Variants in WDPCP observed in about 807,000 individuals in gnomAD.
WDPCP encodes WD repeat-containing and planar cell polarity effector protein fritz homolog.
WDPCP carries 71 observed loss-of-function variants against 93.1 expected under a neutral mutation model. The ratio of observed to expected loss-of-function variants is 0.76; its 90% CI spans 0.63 to 0.93. The LOEUF (loss-of-function observed/expected upper bound fraction) is 0.93, where lower values mean the gene tolerates loss of function less well. Among genes scored for constraint, WDPCP ranks in the 40% least tolerant of loss-of-function variants. The pLI, the probability that WDPCP is intolerant of heterozygous loss-of-function variation, is 0.00. For missense variants in WDPCP, 844 were observed against 887.4 expected, an observed-to-expected ratio of 0.95 and a Z score of 0.62; for synonymous variants, 315 against 315.0, an observed-to-expected ratio of 1.00 and a Z score of 0.00.
At chr2:63,830,584 A>G (rs1287976094), upstream of WDPCP, among the ~76,000 whole-genome samples, 1 of 152,086 alleles carries the variant, frequency 6.6e-6, no homozygotes, top group Non-Finnish European at 1.5e-5. Context: ...ATCTACTTTA[A>G]TCTTCCTATC....
intron 12 of WDPCP, among the ~76,000 whole-genome samples, chr2:63,334,291 C>T (rs1374735473): frequency 1.3e-5 from 2 of 152,114 alleles, no homozygotes; most frequent in Admixed American, 6.5e-5. Flanking sequence ...TTTATTCTGC[C>T]AAAGTTGAGG....
At chr2:63,766,086 A>G (rs941451951) in intron 2 of WDPCP, among the ~76,000 whole-genome samples, 1 of 152,238 alleles carries the variant, frequency 6.6e-6, no homozygotes, top group Non-Finnish European at 1.5e-5. Context: ...TAGGAAATCA[A>G]GAAATATCAC....
intron 15 of WDPCP, among the ~76,000 whole-genome samples, chr2:63,159,879 A>G (rs1000797205): frequency 6.6e-6 from 1 of 152,188 alleles, no homozygotes; most frequent in African/African-American, 2.4e-5. Context: ...GAGTTTATAA[A>G]CAATTTAATG....
intron 9 of WDPCP, among the ~76,000 whole-genome samples, chr2:63,410,878 T>G (rs955272563): frequency 6.6e-6 from 1 of 152,036 alleles, no homozygotes; most frequent in African/African-American, 2.4e-5. Flanking sequence ...ACACTGGAGC[T>G]CTCAAATTTA....
intron 1 of WDPCP, among the ~76,000 whole-genome samples, chr2:63,569,544 G>C (rs1216749295): frequency 6.6e-6 from 1 of 152,178 alleles, no homozygotes; most frequent in Non-Finnish European, 1.5e-5. Flanking sequence ...AAAAAGACGG[G>C]AAGGTCCAAA....
intron 2 of WDPCP, among the ~76,000 whole-genome samples, chr2:63,709,002 T>G (rs1299882144): frequency 6.9e-6 from 1 of 144,742 alleles, no homozygotes; most frequent in Non-Finnish European, 1.5e-5. Context: ...GGGTGGATCA[T>G]TTGAGGTCAG....
At position 63,163,095 on chromosome 2, in the gene WDPCP, A is replaced by C. The variant is rs148802525; in HGVS notation, c.2079-9521T>G. ...CATATTAAAGCCACAATAAAATATA[A>C]CTTCTCTTACTCAATAAGCTTTAGT... On this transcript the variant is annotated intron_variant, in intron 15 of 17. Coordinates refer to ENST00000272321, the MANE Select transcript of WDPCP (RefSeq NM_015910.7). Among the ~76,000 whole-genome samples the C allele has an allele frequency of 1.8e-3, 277 of 152,290 alleles. 2 individuals carry two copies. The highest frequency in any genetic ancestry group is 6.3e-3 in the African/African-American group (260 of 41,576).
intron 2 of WDPCP, among the ~76,000 whole-genome samples, chr2:63,776,951 G>A (rs1022177234): frequency 2.0e-5 from 3 of 152,118 alleles, no homozygotes; most frequent in South Asian, 2.1e-4. Flanking sequence ...GTTGGTCAAT[G>A]AGTACAAAGT....
At chr2:63,309,262 G>T (rs1685985937) in intron 13 of WDPCP, among the ~76,000 whole-genome samples, 1 of 152,138 alleles carries the variant, frequency 6.6e-6, no homozygotes. Context: ...ACTAAAAAAA[G>T]TTAAAAGATG....
intron 3 of WDPCP, among the ~76,000 whole-genome samples, chr2:63,624,745 A>G (rs1258891848): frequency 1.3e-5 from 2 of 152,364 alleles, no homozygotes; most frequent in East Asian, 3.9e-4. Flanking sequence ...GAATTCTACC[A>G]AAGGTACAAA....
chr2:63,655,058 T>C (rs1290662605), intron 2 of WDPCP, among the ~76,000 whole-genome samples: 1 of 152,154 alleles, frequency 6.6e-6, no homozygotes, highest in African/African-American at 2.4e-5. Context: ...ACTTTCACCA[T>C]CTCAGCTCAG....
intron 1 of WDPCP, among the ~76,000 whole-genome samples, chr2:63,819,678 T>C (rs924626544): frequency 8.5e-5 from 13 of 152,198 alleles, no homozygotes; most frequent in African/African-American, 3.1e-4. Context: ...ACAGTATTTC[T>C]AGAACCTCTA....
At chr2:63,758,428 C>A (rs1410998891) in intron 2 of WDPCP, among the ~76,000 whole-genome samples, 1 of 151,768 alleles carries the variant, frequency 6.6e-6, no homozygotes, top group Non-Finnish European at 1.5e-5. Flanking sequence ...GTTCTGGAAT[C>A]TTTTTGTTTT....
intron 13 of WDPCP, among the ~76,000 whole-genome samples, chr2:63,276,253 C>T (rs1330704840): frequency 6.6e-6 from 1 of 152,160 alleles, no homozygotes; most frequent in Non-Finnish European, 1.5e-5. Context: ...TCCAGATCTT[C>T]CCTCTGATAT....
chr2:63,460,666 T>C (rs1177274291), intron 6 of WDPCP, among the ~76,000 whole-genome samples: 1 of 152,162 alleles, frequency 6.6e-6, no homozygotes, highest in Non-Finnish European at 1.5e-5. Flanking sequence ...GTCTCTCTTT[T>C]TTTTTTGAAA....
intron 12 of WDPCP, among the ~76,000 whole-genome samples, chr2:63,352,340 C>T (rs770947348): frequency 6.6e-6 from 1 of 152,050 alleles, no homozygotes; most frequent in Non-Finnish European, 1.5e-5. Context: ...TGTTAAGTTT[C>T]AATACTTTCC....
chr2:63,489,784 T>G (rs1700764501), intron 2 of WDPCP, among the ~76,000 whole-genome samples: 1 of 151,884 alleles, frequency 6.6e-6, no homozygotes, highest in Non-Finnish European at 1.5e-5. Context: ...ATAAAATAAA[T>G]TGATCATATA....
At position 63,382,025 on chromosome 2, in the gene WDPCP, T is replaced by C. The variant is rs559295906; in HGVS notation, c.1505A>G (p.Tyr502Cys). ...IFQYIHCDEI[Y>C]EAINILSSMN... Reference sequence around the variant, plus strand: ...GCTGCTCAGGATGTTTATTGCCTCATAGATCTCATCACAGTGAATGTACTG... The same window carrying C: ...GCTGCTCAGGATGTTTATTGCCTCACAGATCTCATCACAGTGAATGTACTG... Residue 502 changes from tyrosine (Y) to cysteine (C), a missense_variant, in exon 11 of 18, where the codon TAT becomes TGT. Physicochemically the swap from Tyr to Cys is radical, Grantham distance 194 (BLOSUM62 -2). Coordinates refer to ENST00000272321, the MANE Select transcript of WDPCP (RefSeq NM_015910.7). 8.1e-6 allele frequency: 13 copies of C among 1,613,480 alleles called. No individual in the cohort carries two copies. In the African/African-American group the frequency reaches 1.1e-4, roughly 13 times the overall value.
chr2:63,597,957 G>A (rs1043041154), intron 3 of WDPCP: 1 of 153,782 alleles, frequency 6.5e-6, no homozygotes, highest in African/African-American at 2.4e-5. Flanking sequence ...CTCAGGAATA[G>A]AAGATAGTGG....
Sources: gnomAD v4.1 joint callset for allele counts (sites outside exome capture counted in the v4.1 genomes callset) on GRCh38, gnomAD v4.1.1 for gene constraint, MANE v1.5 for transcripts, NCBI Gene and HGNC (gene_info 2026-07-23, HGNC 2026-07-21) for gene names.